The following AKAP11 variants were observed in gnomAD, a reference collection of about 807,000 sequenced individuals.
The protein encoded by AKAP11 is A-kinase anchoring protein 11, also known as A-kinase anchor protein 11.
AKAP11 carries 36 observed loss-of-function variants against 146.1 expected under a neutral mutation model. The observed-to-expected ratio is 0.25, with a 90% CI of 0.19 to 0.33. AKAP11 has a LOEUF of 0.33. AKAP11 is among the 10% of genes least tolerant of loss of function. The pLI is 1.00. For synonymous variants in AKAP11, 780 were observed against 786.5 expected, an observed-to-expected ratio of 0.99 and a Z score of 0.14; for missense variants, 2,201 against 2,197.0, an observed-to-expected ratio of 1.00 and a Z score of -0.04.
intron 1 of AKAP11, among the ~76,000 whole-genome samples, chr13:42,285,611 T>C (rs1053307777): frequency 6.6e-6 from 1 of 152,216 alleles, no homozygotes; most frequent in Non-Finnish European, 1.5e-5. Context: ...GAGTGGTTAA[T>C]GCCTGGAGTG....
At chr13:42,274,993 G>A (rs1273015571) in intron 1 of AKAP11, among the ~76,000 whole-genome samples, 3 of 152,118 alleles carry the variant, frequency 2.0e-5, no homozygotes, top group African/African-American at 2.4e-5. Flanking sequence ...TTTACCTCCC[G>A]TAATGGTTTG....
chr13:42,304,188 G>T (rs1960130729), intron 8 of AKAP11, among the ~76,000 whole-genome samples: 1 of 152,150 alleles, frequency 6.6e-6, no homozygotes, highest in African/African-American at 2.4e-5. Context: ...TTATATAGTA[G>T]TCCCCCCTTA....
intron 1 of AKAP11, among the ~76,000 whole-genome samples, chr13:42,283,536 G>T (rs1959106360): frequency 6.6e-6 from 1 of 152,192 alleles, no homozygotes; most frequent in South Asian, 2.1e-4. Flanking sequence ...AAAGTGAACT[G>T]GGGTAGCCAG....
intron 1 of AKAP11, among the ~76,000 whole-genome samples, chr13:42,283,387 T>G (rs1959103722): frequency 6.6e-6 from 1 of 152,192 alleles, no homozygotes; most frequent in South Asian, 2.1e-4. Flanking sequence ...TTGTCTGGAT[T>G]TTTTCTTTTT....
chr13:42,297,957 T>G lies in AKAP11; in HGVS notation c.352-576T>G, dbSNP rs1959613852. On this transcript the variant is annotated intron_variant, in intron 6 of 12. Coordinates refer to ENST00000025301, the MANE Select transcript of AKAP11 (RefSeq NM_016248.4). ...TTTGATTTCTAGTTTTTTGAATAAA[T>G]AATTTCATCAGTATTTACTTGAAAA... 5.3e-5 allele frequency among the ~76,000 whole-genome samples: 8 copies of G among 152,022 alleles called. 1 individual carries two copies. The South Asian group carries it at 1.7e-3, about 31-fold the overall frequency.
chr13:42,274,732 T>C (rs1958873302), intron 1 of AKAP11, among the ~76,000 whole-genome samples: 1 of 152,218 alleles, frequency 6.6e-6, no homozygotes. Context: ...TTGAAATTTG[T>C]AGATTAGAGA....
At position 42,321,185 on chromosome 13, in the gene AKAP11, T is replaced by G. The variant is rs1961071534; in HGVS notation, c.*1957T>G. 1 of 152,400 alleles carries G rather than the reference T, an allele frequency of 6.6e-6. No homozygotes were observed. The highest frequency in any genetic ancestry group is 6.5e-5 in the Admixed American group (1 of 15,282). The allele number at this position is 152,400 out of a possible 1,614,324, so 9.4% of individuals were successfully genotyped here. On this transcript the variant is annotated 3_prime_UTR_variant, in exon 13 of 13. Transcript: ENST00000025301. ...AAGTATCTAACTATCAAATTGTGTT[T>G]AGTAACTTGAGTGTATGCACAAGTT...
intron 11 of AKAP11, among the ~76,000 whole-genome samples, chr13:42,316,080 G>A (rs549361330): frequency 2.0e-5 from 3 of 152,150 alleles, no homozygotes; most frequent in African/African-American, 7.2e-5. Flanking sequence ...ACCATGCCTT[G>A]TACCATGGTA....
intron 9 of AKAP11, among the ~76,000 whole-genome samples, chr13:42,309,466 G>A (rs1330257285): frequency 6.6e-6 from 1 of 152,138 alleles, no homozygotes; most frequent in East Asian, 1.9e-4. Context: ...AGGTGTGGGA[G>A]GGAAGGCAAC....
At chr13:42,315,724 A>G (rs1283886765) in intron 11 of AKAP11, among the ~76,000 whole-genome samples, 1 of 152,230 alleles carries the variant, frequency 6.6e-6, no homozygotes, top group Admixed American at 6.5e-5. Flanking sequence ...TTTTGAGATT[A>G]TAGGTATTTC....
At chr13:42,315,373 T>C (rs1049864830) in intron 11 of AKAP11, among the ~76,000 whole-genome samples, 5 of 152,206 alleles carry the variant, frequency 3.3e-5, no homozygotes, top group African/African-American at 1.2e-4. Flanking sequence ...ATATTTGATA[T>C]TGATATTCCC....
At chr13:42,298,505 G>C (rs1415268454) in intron 6 of AKAP11, 28 bp from the exon 7 acceptor site, 1 of 1,598,736 alleles carries the variant, frequency 6.3e-7, no homozygotes, top group Admixed American at 1.8e-5. Flanking sequence ...AATTAAAATT[G>C]TTTTTATTAT....
Position 42,302,182 on chromosome 13 carries a change from G to C in AKAP11, c.3436G>C (p.Val1146Leu). ...ACCTTCTACTCCACACAACTCATCT[G>C]TTGGTAGTTTGTCTGAGAATGAACA... ...TPPSTPHNSS[V>L]GSLSENEQNT... is the part of the protein sequence containing the mutation. The change falls in exon 8 of 13, where the codon GTT becomes CTT. Residue 1146 changes from valine to leucine, a missense_variant. Around this residue, in one of 3 missense-constraint regions of AKAP11, gnomAD observed 1,867 missense variants for 1,833.5 expected, o/e 1.02. Coordinates refer to ENST00000025301, the MANE Select transcript of AKAP11 (RefSeq NM_016248.4). 1 of 1,614,164 alleles carries C rather than the reference G, an allele frequency of 6.2e-7. No homozygotes were observed. Among genetic ancestry groups the C allele is most frequent in the Non-Finnish European group, 8.5e-7 (1 of 1,180,014 alleles).
chr13:42,303,240 T>C lies in AKAP11; in HGVS notation c.4494T>C (p.Asp1498=), dbSNP rs769452733. The change falls in exon 8 of 13, where the codon GAT becomes GAC. Residue 1498 remains aspartate, a synonymous_variant. Transcript: ENST00000025301. ...CLFEKSGYEE[D]NECHVTPELP... The stretch of plus-strand genomic sequence containing the variant: ...TTGAAAAATCTGGATATGAAGAAGA[T>C]AATGAGTGTCACGTTACACCAGAAT... 2 of 1,614,044 alleles carry C rather than the reference T, an allele frequency of 1.2e-6. No individual in the cohort carries two copies. Among genetic ancestry groups the C allele is most frequent in the Admixed American group, 1.7e-5 (1 of 60,020 alleles).
chr13:42,284,712 A>C (rs1175692268), intron 1 of AKAP11, among the ~76,000 whole-genome samples: 1 of 152,240 alleles, frequency 6.6e-6, no homozygotes, highest in Admixed American at 6.5e-5. Context: ...ATACGGTATC[A>C]TATACATTGA....
At chr13:42,285,889 G>A (rs1170938416) in intron 1 of AKAP11, 97 bp from the exon 2 acceptor site, 3 of 151,508 alleles carry the variant, frequency 2.0e-5, no homozygotes, top group Non-Finnish European at 4.4e-5. Context: ...ATAGAGATAA[G>A]AGTGTCTTGG....
chr13:42,298,467 G>T (rs1433821373), intron 6 of AKAP11, 66 bp from the exon 7 acceptor site: 2 of 1,520,774 alleles, frequency 1.3e-6, no homozygotes, highest in African/African-American at 1.4e-5. Flanking sequence ...TTATATCTAG[G>T]CTTTACTTCA....
chr13:42,296,210 G>T (rs1182838121), intron 5 of AKAP11, among the ~76,000 whole-genome samples: 1 of 152,140 alleles, frequency 6.6e-6, no homozygotes, highest in African/African-American at 2.4e-5. Flanking sequence ...GCAGTAAAGT[G>T]TCTCCTCATA....
In AKAP11 at chr13:42,303,436, T is replaced by A. The variant is rs1960072809; in HGVS notation, c.4690T>A (p.Ser1564Thr). ...LTLGSTVFRV[S>T]ETTKSADRVT... ...TCTAGGATCTACAGTGTTCCGAGTG[T>A]CTGAGACCACAAAATCAGCAGACAG... The change falls in exon 8 of 13, where the codon TCT becomes ACT. Residue 1564 changes from serine (S) to threonine (T), a missense_variant. Coordinates refer to ENST00000025301, the MANE Select transcript of AKAP11 (RefSeq NM_016248.4). The A allele has an allele frequency of 1.2e-6, 2 of 1,614,058 alleles. No homozygotes were observed. Among genetic ancestry groups the A allele is most frequent in the Non-Finnish European group, 1.7e-6 (2 of 1,180,020 alleles).
Sources: gnomAD v4.1 joint callset for allele counts (sites outside exome capture counted in the v4.1 genomes callset) on GRCh38, gnomAD v4.1.1 for gene constraint, gnomAD v4.1.1 regional missense constraint, MANE v1.5 for transcripts, NCBI Gene and HGNC (gene_info 2026-07-23, HGNC 2026-07-21) for gene names.